The following GOLIM4 variants were observed in gnomAD, a reference collection of about 807,000 sequenced individuals.
GOLIM4 encodes 130 kDa golgi-localized phosphoprotein.
GOLIM4 carries 71 observed loss-of-function variants against 107.4 expected under a neutral mutation model. The observed-to-expected ratio is 0.66, with a 90% confidence interval of 0.55 to 0.81. GOLIM4 has a LOEUF of 0.81. Among genes scored for constraint, GOLIM4 ranks in the 30% least tolerant of loss-of-function variants. The pLI, the probability that GOLIM4 is intolerant of heterozygous loss-of-function variation, is 0.00. For synonymous variants in GOLIM4, 327 were observed against 294.8 expected, an observed-to-expected ratio of 1.11 and a Z score of -1.12; for missense variants, 830 against 826.1, an observed-to-expected ratio of 1.00 and a Z score of -0.06.
intron 1 of GOLIM4, among the ~76,000 whole-genome samples, chr3:168,049,678 A>C (rs1170070301): frequency 1.3e-5 from 2 of 152,172 alleles, no homozygotes; most frequent in African/African-American, 4.8e-5. Context: ...CTGCTGCCAA[A>C]GTCATCAGGG....
chr3:168,095,204 A>C lies in GOLIM4; in HGVS notation c.82T>G (p.Tyr28Asp). 1 of 1,613,766 alleles carries C rather than the reference A, an allele frequency of 6.2e-7. No individual in the cohort carries two copies. Among genetic ancestry groups the C allele is most frequent in the East Asian group, 2.2e-5 (1 of 44,866 alleles). The change falls in exon 1 of 16, where the codon TAC becomes GAC. Residue 28 changes from tyrosine (Y) to aspartate (D), a missense_variant. Coordinates refer to ENST00000470487, the MANE Select transcript of GOLIM4 (RefSeq NM_014498.5). ...AGCTCGTAGTAGAGCATCGCGCCGT[A>C]GAGAAAGCCGAACACGACGGTCAGC... is the stretch of plus-strand genomic sequence containing the variant. The part of the protein sequence containing the change: ...LLLTVVFGFL[Y>D]GAMLYYELQT...
At chr3:168,092,928 A>G (rs1312801280) in intron 1 of GOLIM4, among the ~76,000 whole-genome samples, 6 of 152,258 alleles carry the variant, frequency 3.9e-5, no homozygotes, top group Admixed American at 1.3e-4. Flanking sequence ...TTGTAGCACC[A>G]TAATTAGAGA....
intron 12 of GOLIM4, among the ~76,000 whole-genome samples, chr3:168,026,792 C>T (rs1298584470): frequency 6.6e-6 from 1 of 152,150 alleles, no homozygotes; most frequent in Non-Finnish European, 1.5e-5. Context: ...CAAGGAATGC[C>T]AGGGAAAGGT....
intron 1 of GOLIM4, among the ~76,000 whole-genome samples, chr3:168,067,528 A>C (rs1347500512): frequency 6.7e-6 from 1 of 150,200 alleles, no homozygotes; most frequent in Non-Finnish European, 1.5e-5. Flanking sequence ...AAAAAAAAAC[A>C]CACACACACA....
At chr3:168,049,727 C>T (rs1719508491) in intron 1 of GOLIM4, among the ~76,000 whole-genome samples, 1 of 152,118 alleles carries the variant, frequency 6.6e-6, no homozygotes, top group African/African-American at 2.4e-5. Context: ...GCAGCAATCC[C>T]TTGCTGCTTA....
rs1721757570 is a variant in GOLIM4, at chr3:168,088,897, A to G, written c.187+6202T>C. On this transcript the variant is annotated intron_variant, in intron 1 of 15. Coordinates refer to ENST00000470487, the MANE Select transcript of GOLIM4 (RefSeq NM_014498.5). ...AAAAGAAATCAAGGCAAGGCTTCCA[A>G]TCTACTTGGAACTTAAACTAAAGGC... 3.3e-5 allele frequency among the ~76,000 whole-genome samples: 5 copies of G among 152,304 alleles called. No homozygotes were observed. In the South Asian group the frequency reaches 1.0e-3, roughly 32 times the overall value.
At chr3:168,011,410 C>A (rs377506383) in intron 14 of GOLIM4, among the ~76,000 whole-genome samples, 28,948 of 151,700 alleles carry the variant, frequency 0.19, 6,114 homozygotes, top group African/African-American at 0.52. Flanking sequence ...CAGAATCTCG[C>A]TGATTGCCAG....
chr3:168,064,990 A>G (rs949354231), intron 1 of GOLIM4, among the ~76,000 whole-genome samples: 1 of 152,102 alleles, frequency 6.6e-6, no homozygotes, highest in Admixed American at 6.6e-5. Context: ...AAAAAGACAA[A>G]GAGAAACAGA....
chr3:168,040,499 T>C (rs570258251), intron 7 of GOLIM4, among the ~76,000 whole-genome samples: 3 of 152,194 alleles, frequency 2.0e-5, no homozygotes, highest in East Asian at 1.9e-4. Flanking sequence ...AAAGACTATA[T>C]ATGTGAGATC....
chr3:168,078,759 T>C (rs1214816147), intron 1 of GOLIM4, among the ~76,000 whole-genome samples: 1 of 152,172 alleles, frequency 6.6e-6, no homozygotes, highest in East Asian at 1.9e-4. Flanking sequence ...AAATAAATAA[T>C]CATTTTTAAA....
At chr3:168,032,446 A>T in intron 9 of GOLIM4, 74 bp downstream of exon 9, 3 of 997,080 alleles carry the variant, frequency 3.0e-6, no homozygotes, top group Non-Finnish European at 4.7e-6. Context: ...ATTGTGATAT[A>T]TTACCTTAAT....
At chr3:168,093,770 G>A (rs1330428949) in intron 1 of GOLIM4, among the ~76,000 whole-genome samples, 1 of 152,122 alleles carries the variant, frequency 6.6e-6, no homozygotes, top group Non-Finnish European at 1.5e-5. Flanking sequence ...CATTGCCTGT[G>A]GCTATGCAGC....
chr3:168,053,352 T>G (rs1036936983), intron 1 of GOLIM4, among the ~76,000 whole-genome samples: 12 of 152,242 alleles, frequency 7.9e-5, no homozygotes, highest in African/African-American at 2.9e-4. Context: ...AGAAATAGCC[T>G]GTGAAATTTT....
intron 1 of GOLIM4, among the ~76,000 whole-genome samples, chr3:168,057,102 T>C (rs1720016364): frequency 6.6e-6 from 1 of 152,162 alleles, no homozygotes; most frequent in African/African-American, 2.4e-5. Flanking sequence ...GCTGTTCTCA[T>C]GACGGTGAAT....
intron 1 of GOLIM4, among the ~76,000 whole-genome samples, chr3:168,065,244 T>C (rs1720490272): frequency 6.6e-6 from 1 of 152,222 alleles, no homozygotes; most frequent in Non-Finnish European, 1.5e-5. Context: ...AGAAGAGTAG[T>C]GGCATCAGCT....
chr3:168,024,949 T>G lies in GOLIM4; in HGVS notation c.1770A>C (p.Thr590=), dbSNP rs769402590. The G allele has an allele frequency of 1.2e-6, 2 of 1,614,086 alleles. No homozygotes were observed. Among genetic ancestry groups the G allele is most frequent in the Non-Finnish European group, 1.7e-6 (2 of 1,179,940 alleles). Residue 590 remains threonine (T), a synonymous_variant, in exon 13 of 16, where the codon ACA becomes ACC. Coordinates refer to ENST00000470487, the MANE Select transcript of GOLIM4 (RefSeq NM_014498.5). ...QKQSNQKQEN[T]EVEEHLVMAG... ...TTACCACCAAATGTTCCTCCACTTC[T>G]GTATTCTCTTGCTTTTGATTACTTT...
intron 8 of GOLIM4, among the ~76,000 whole-genome samples, chr3:168,034,753 CT>C (rs1014451040): frequency 6.6e-6 from 1 of 152,144 alleles, no homozygotes; most frequent in African/African-American, 2.4e-5. Flanking sequence ...GGGGTCAAGT[CT>C]TTCCCGTGCT....
chr3:168,095,014 A>C (rs747911298), intron 1 of GOLIM4, 85 bp downstream of exon 1: 4 of 1,054,964 alleles, frequency 3.8e-6, no homozygotes, highest in Non-Finnish European at 5.6e-6. Context: ...CACAGTGCCA[A>C]TAGCTCACCA....
rs554336416 is a variant in GOLIM4 at position 168,093,442 on chromosome 3, C to T, written c.187+1657G>A. On this transcript the variant is annotated intron_variant, in intron 1 of 15. Transcript: ENST00000470487. ...AGGAGGTAATGGTGAAAATGACAGC[C>T]TTTGCCCTCATGGGACTCCTAAGAG... Among the ~76,000 whole-genome samples the T allele has an allele frequency of 3.0e-3, 452 of 152,254 alleles. 2 individuals carry two copies. The highest frequency in any genetic ancestry group is 0.011 in the African/African-American group (444 of 41,540).
Sources: allele counts gnomAD v4.1 joint callset (sites outside exome capture counted in the v4.1 genomes callset), GRCh38; gene constraint gnomAD v4.1.1; transcripts MANE v1.5; gene names NCBI Gene and HGNC (gene_info 2026-07-23, HGNC 2026-07-21).